The following PSD3 variants were observed in gnomAD, a reference collection of about 807,000 sequenced individuals.
PSD3 encodes the protein PH and SEC7 domain-containing protein 3.
In PSD3, 49 loss-of-function variants were observed where a neutral mutation model predicts 105.5. The observed-to-expected ratio is 0.46, with a 90% confidence interval of 0.37 to 0.59. PSD3 has a LOEUF of 0.59. PSD3 is among the 20% of genes least tolerant of loss of function. PSD3 has a pLI of 0.00. For missense variants in PSD3, 1,561 were observed against 1,263.8 expected (o/e 1.24, Z -3.57); for synonymous variants, 557 against 457.8 (o/e 1.22, Z -2.77).
chr8:18,587,020 C>T (rs1026053837), intron 12 of PSD3, among the ~76,000 whole-genome samples: 3 of 152,184 alleles, frequency 2.0e-5, no homozygotes, highest in Admixed American at 6.5e-5. Context: ...TTTTGTCAAA[C>T]TGAATGACAC....
chr8:18,572,456 A>G (rs903764896), intron 14 of PSD3, 72 bp downstream of exon 14: 3 of 1,548,718 alleles, frequency 1.9e-6, no homozygotes, highest in South Asian at 1.2e-5. Flanking sequence ...ACTACTATCC[A>G]AAGACAAATA....
intron 10 of PSD3, among the ~76,000 whole-genome samples, chr8:18,653,380 A>G (rs1167673508): frequency 6.6e-6 from 1 of 151,958 alleles, no homozygotes; most frequent in Non-Finnish European, 1.5e-5. Context: ...AAAAAAAAAA[A>G]GAAATTGGAG....
At chr8:18,878,055 C>T (rs975348925) in intron 2 of PSD3, among the ~76,000 whole-genome samples, 2 of 152,176 alleles carry the variant, frequency 1.3e-5, no homozygotes, top group African/African-American at 4.8e-5. Flanking sequence ...ACAGTACTGG[C>T]TTCTTAACAG....
intron 1 of PSD3, among the ~76,000 whole-genome samples, chr8:19,071,440 T>A (rs1447355333): frequency 1.3e-5 from 2 of 152,168 alleles, no homozygotes; most frequent in Admixed American, 1.3e-4. Flanking sequence ...TCTGCCCTGT[T>A]TATGGCTCAA....
chr8:18,544,252 C>G (rs1238624491), intron 15 of PSD3, among the ~76,000 whole-genome samples: 3 of 149,762 alleles, frequency 2.0e-5, no homozygotes, highest in Non-Finnish European at 4.4e-5. Flanking sequence ...AAGGACTGCT[C>G]ATCTCCCTTC....
At chr8:18,922,996 A>G (rs888421128) in intron 2 of PSD3, among the ~76,000 whole-genome samples, 3 of 152,106 alleles carry the variant, frequency 2.0e-5, no homozygotes, top group African/African-American at 7.2e-5. Context: ...AGTAAGCATG[A>G]TTCACTCAAT....
intron 4 of PSD3, among the ~76,000 whole-genome samples, chr8:18,838,345 G>A (rs2129451076): frequency 6.6e-6 from 1 of 152,278 alleles, no homozygotes; most frequent in African/African-American, 2.4e-5. Flanking sequence ...GGGTTTCCAT[G>A]AAAGGAAATC....
At chr8:19,075,419 A>T (rs376799091) in intron 1 of PSD3, among the ~76,000 whole-genome samples, 4 of 152,284 alleles carry the variant, frequency 2.6e-5, no homozygotes, top group African/African-American at 9.6e-5. Flanking sequence ...CCTTTATCTT[A>T]ATTTTCAGGT....
At chr8:18,747,820 A>G (rs1270462182) in intron 9 of PSD3, among the ~76,000 whole-genome samples, 1 of 152,164 alleles carries the variant, frequency 6.6e-6, no homozygotes, top group Non-Finnish European at 1.5e-5. Context: ...TGAGTAAAAA[A>G]AAAAGAAAAA....
At chr8:18,923,646 G>A (rs570140651) in intron 2 of PSD3, among the ~76,000 whole-genome samples, 3 of 152,304 alleles carry the variant, frequency 2.0e-5, no homozygotes, top group African/African-American at 7.2e-5. Context: ...CTAAGCCATA[G>A]AGCCTAGGTG....
rs145791431 is a variant in PSD3 at position 18,560,348 on chromosome 8, G to C, written c.2785-3996C>G. ...AATAGACACGATGAAGAAAGACAAA[G>C]TAGGAATTTGCTTTTTTATTCCCCC... On this transcript the variant is annotated intron_variant, in intron 14 of 15. Coordinates refer to ENST00000327040, the MANE Select transcript of PSD3 (RefSeq NM_015310.4). Among the ~76,000 whole-genome samples the C allele has an allele frequency of 5.7e-3, 869 of 152,232 alleles. 5 individuals are homozygous for C. The highest frequency in any genetic ancestry group is 0.014 in the Admixed American group (208 of 15,282).
chr8:18,532,294 A>G lies in PSD3; in HGVS notation c.*3449T>C, dbSNP rs1254532230. On this transcript the variant is annotated 3_prime_UTR_variant, in exon 16 of 16. Transcript: ENST00000327040. ...GCAAAAATTCTTCCACAATCTCAGA[A>G]GTTCTGTAGCTTGGCCACAGGGTGA... is the stretch of plus-strand genomic sequence containing the variant. The G allele has an allele frequency of 6.6e-6, 1 of 152,206 alleles. No homozygotes were observed. Among genetic ancestry groups the G allele is most frequent in the African/African-American group, 2.4e-5 (1 of 41,456 alleles). The allele number at this position is 152,206 out of a possible 1,614,324, so 9.4% of individuals were successfully genotyped here.
At chr8:18,623,447 C>A (rs13274078) in intron 11 of PSD3, among the ~76,000 whole-genome samples, 77,979 of 94,622 alleles carry the variant, frequency 0.82, 31,483 homozygotes, top group East Asian at 0.93. Context: ...CCCCGTCTCC[C>A]CAAAAAAAAA....
intron 4 of PSD3, among the ~76,000 whole-genome samples, chr8:18,831,421 T>C (rs1476717779): frequency 6.6e-6 from 1 of 152,170 alleles, no homozygotes; most frequent in Non-Finnish European, 1.5e-5. Flanking sequence ...AGGTCAACCC[T>C]CAGTTCAACA....
At chr8:18,602,248 T>C (rs997311011) in intron 11 of PSD3, among the ~76,000 whole-genome samples, 1 of 152,148 alleles carries the variant, frequency 6.6e-6, no homozygotes, top group Non-Finnish European at 1.5e-5. Context: ...TTAATCCAAG[T>C]ACATGTTTAC....
intron 1 of PSD3, among the ~76,000 whole-genome samples, chr8:18,974,202 T>C (rs1427023062): frequency 6.6e-6 from 1 of 152,236 alleles, no homozygotes; most frequent in Non-Finnish European, 1.5e-5. Flanking sequence ...GTAGGCATTA[T>C]TATGCCCATG....
In PSD3 at chr8:18,743,395, A is replaced by C. The variant is rs548355484; in HGVS notation, c.2172+22054T>G. 4.6e-5 allele frequency among the ~76,000 whole-genome samples: 7 copies of C among 152,284 alleles called. No individual in the cohort carries two copies. In the East Asian group the frequency reaches 1.2e-3, roughly 25 times the overall value. On this transcript the variant is annotated intron_variant, in intron 9 of 15. Transcript: ENST00000327040. ...GATGGGAAAACAGAGATGAACTTGT[A>C]AATGGTCCTCTTTAGAAAATGTTCG...
intron 4 of PSD3, among the ~76,000 whole-genome samples, chr8:18,847,271 T>C (rs950251648): frequency 2.6e-5 from 4 of 152,156 alleles, no homozygotes; most frequent in African/African-American, 9.7e-5. Context: ...AAAGGTGCAA[T>C]TGGGGTTTCA....
chr8:19,040,577 A>C (rs1828088657), intron 1 of PSD3, among the ~76,000 whole-genome samples: 1 of 152,178 alleles, frequency 6.6e-6, no homozygotes, highest in Non-Finnish European at 1.5e-5. Context: ...GCCTGATTAC[A>C]TTTTAAAAGA....
Sources: gnomAD v4.1 joint callset for allele counts (sites outside exome capture counted in the v4.1 genomes callset) on GRCh38, gnomAD v4.1.1 for gene constraint, MANE v1.5 for transcripts, NCBI Gene and HGNC (gene_info 2026-07-23, HGNC 2026-07-21) for gene names.